KHDRBS3: variants seen among roughly 807,000 people sequenced by gnomAD.
The protein encoded by KHDRBS3 is KH domain-containing, RNA-binding, signal transduction-associated protein 3.
KHDRBS3 carries 23 observed loss-of-function variants against 45.6 expected under a neutral mutation model. That is an observed-to-expected ratio of 0.50 (90% CI 0.36 to 0.72). KHDRBS3 has a LOEUF of 0.72. Among genes scored for constraint, KHDRBS3 ranks in the 30% least tolerant of loss-of-function variants. KHDRBS3 has a pLI of 0.00. For missense variants in KHDRBS3, 352 were observed against 424.8 expected (o/e 0.83, Z 1.51); for synonymous variants, 162 against 156.5 (o/e 1.04, Z -0.26).
chr8:135,510,812 C>G (rs1824245126), intron 1 of KHDRBS3, among the ~76,000 whole-genome samples: 1 of 152,192 alleles, frequency 6.6e-6, no homozygotes, highest in Non-Finnish European at 1.5e-5. Flanking sequence ...GTATTCTCTT[C>G]CTAGTCTGTG....
intron 7 of KHDRBS3, among the ~76,000 whole-genome samples, chr8:135,639,233 A>G (rs995495265): frequency 4.6e-5 from 7 of 152,240 alleles, no homozygotes; most frequent in African/African-American, 1.7e-4. Flanking sequence ...GCTAACTGGT[A>G]TAATCCTAGA....
chr8:135,480,681 A>G (rs1822518618), intron 1 of KHDRBS3, among the ~76,000 whole-genome samples: 1 of 152,214 alleles, frequency 6.6e-6, no homozygotes, highest in Non-Finnish European at 1.5e-5. Flanking sequence ...TGTGCTTTCC[A>G]TAAAGCAATC....
At chr8:135,644,048 C>G (rs1161533993) in intron 7 of KHDRBS3, among the ~76,000 whole-genome samples, 1 of 152,074 alleles carries the variant, frequency 6.6e-6, no homozygotes, top group Non-Finnish European at 1.5e-5. Context: ...ATAACAAATT[C>G]AGGATGGTGG....
At chr8:135,493,419 A>G (rs907099007) in intron 1 of KHDRBS3, among the ~76,000 whole-genome samples, 28 of 152,064 alleles carry the variant, frequency 1.8e-4, no homozygotes, top group Admixed American at 4.6e-4. Flanking sequence ...ATTAATTGTG[A>G]TATGTGTAGG....
intron 7 of KHDRBS3, among the ~76,000 whole-genome samples, chr8:135,609,351 G>A (rs1006728244): frequency 2.0e-5 from 3 of 150,368 alleles, no homozygotes; most frequent in Admixed American, 6.6e-5. Flanking sequence ...CTGGAATGCA[G>A]TGGCGTGATC....
At chr8:135,549,777 A>G (rs895624294) in intron 4 of KHDRBS3, 1 of 152,196 alleles carries the variant, frequency 6.6e-6, no homozygotes, top group African/African-American at 2.4e-5. Flanking sequence ...ATACTACAGC[A>G]CATGTACTGT....
intron 5 of KHDRBS3, among the ~76,000 whole-genome samples, chr8:135,565,965 T>G (rs1307684206): frequency 6.6e-6 from 1 of 152,284 alleles, no homozygotes; most frequent in Non-Finnish European, 1.5e-5. Flanking sequence ...TTGCCTAAGG[T>G]TTGATTTGGT....
At chr8:135,469,425 C>A (rs1362095266) in intron 1 of KHDRBS3, among the ~76,000 whole-genome samples, 1 of 150,962 alleles carries the variant, frequency 6.6e-6, no homozygotes, top group African/African-American at 2.4e-5. Context: ...GTAGCTGGGA[C>A]TACAGGCGCC....
At chr8:135,507,465 G>A (rs569037521) in intron 1 of KHDRBS3, among the ~76,000 whole-genome samples, 2 of 152,234 alleles carry the variant, frequency 1.3e-5, no homozygotes, top group Admixed American at 6.5e-5. Context: ...TCTAGAATGC[G>A]TAATTTTTTA....
intron 2 of KHDRBS3, among the ~76,000 whole-genome samples, chr8:135,527,296 T>C (rs1337545286): frequency 6.6e-6 from 1 of 152,126 alleles, no homozygotes; most frequent in African/African-American, 2.4e-5. Context: ...AAGAAGAGGA[T>C]CCTGGTGATA....
At chr8:135,482,807 A>G (rs1348528714) in intron 1 of KHDRBS3, among the ~76,000 whole-genome samples, 1 of 152,164 alleles carries the variant, frequency 6.6e-6, no homozygotes, top group African/African-American at 2.4e-5. Flanking sequence ...GACTAACACC[A>G]CCTAGTAGGT....
chr8:135,458,250 C>G, intron 1 of KHDRBS3: 2 of 1,112,872 alleles, frequency 1.8e-6, no homozygotes, highest in Non-Finnish European at 1.1e-6. Flanking sequence ...TGGGGGACAG[C>G]GACCATCTGG....
At chr8:135,491,928 ACTT>A (rs1361596706) in intron 1 of KHDRBS3, among the ~76,000 whole-genome samples, 1 of 119,616 alleles carries the variant, frequency 8.4e-6, no homozygotes, top group Admixed American at 9.6e-5. Flanking sequence ...CCTGGTGCCA[ACTT>A]CTTTTTTTTT....
chr8:135,577,482 A>G (rs991384285), intron 5 of KHDRBS3, among the ~76,000 whole-genome samples: 1 of 152,068 alleles, frequency 6.6e-6, no homozygotes, highest in Admixed American at 6.5e-5. Context: ...TAGTATTTTC[A>G]GTATGTCATA....
chr8:135,546,151 A>T (rs780042309), intron 3 of KHDRBS3, among the ~76,000 whole-genome samples: 16 of 151,800 alleles, frequency 1.1e-4, no homozygotes, highest in African/African-American at 1.5e-4. Flanking sequence ...AAAAATAAAT[A>T]AATTAAAAAA....
chr8:135,498,191 T>A (rs1459822925), intron 1 of KHDRBS3, among the ~76,000 whole-genome samples: 1 of 152,216 alleles, frequency 6.6e-6, no homozygotes, highest in Non-Finnish European at 1.5e-5. Context: ...GAAGCTTTAT[T>A]ACATAAAACA....
At chr8:135,499,102 G>A (rs897325195) in intron 1 of KHDRBS3, among the ~76,000 whole-genome samples, 1 of 152,164 alleles carries the variant, frequency 6.6e-6, no homozygotes, top group African/African-American at 2.4e-5. Flanking sequence ...TAAAAGAGGT[G>A]GAACATGGCA....
intron 2 of KHDRBS3, among the ~76,000 whole-genome samples, chr8:135,527,619 G>T (rs1466742492): frequency 1.3e-5 from 2 of 152,360 alleles, no homozygotes; most frequent in Middle Eastern, 3.4e-3. Context: ...TATTTCAGGA[G>T]AGGGAATGCC....
chr8:135,570,360 T>C (rs957107795), intron 5 of KHDRBS3, among the ~76,000 whole-genome samples: 2 of 152,202 alleles, frequency 1.3e-5, no homozygotes, highest in African/African-American at 4.8e-5. Flanking sequence ...TCTTCATAAC[T>C]GCAAATGATG....
Sources: gnomAD v4.1 joint callset for allele counts (sites outside exome capture counted in the v4.1 genomes callset) on GRCh38, gnomAD v4.1.1 for gene constraint, MANE v1.5 for transcripts, NCBI Gene and HGNC (gene_info 2026-07-23, HGNC 2026-07-21) for gene names.